The following BTBD8 variants were observed in gnomAD, a reference collection of about 807,000 sequenced individuals.
The protein encoded by BTBD8 is BTB/POZ domain-containing protein 8.
A neutral mutation model predicts 162.9 loss-of-function variants in BTBD8; 110 were observed. The ratio of observed to expected loss-of-function variants is 0.68; its 90% CI spans 0.58 to 0.79. BTBD8 has a LOEUF of 0.79. Among genes scored for constraint, BTBD8 ranks in the 30% least tolerant of loss-of-function variants. The pLI, the probability that BTBD8 is intolerant of heterozygous loss-of-function variation, is 0.00. For missense variants in BTBD8, 1,905 were observed against 2,085.4 expected, an observed-to-expected ratio of 0.91 and a Z score of 1.68; for synonymous variants, 667 against 716.1, an observed-to-expected ratio of 0.93 and a Z score of 1.10.
intron 7 of BTBD8, among the ~76,000 whole-genome samples, chr1:92,143,174 C>T (rs1188699730): frequency 2.6e-5 from 4 of 152,120 alleles, no homozygotes; most frequent in African/African-American, 7.2e-5. Flanking sequence ...TGAAAGCATT[C>T]GTTGGGAAAA....
At chr1:92,115,254 C>A in intron 4 of BTBD8, 1 of 482,574 alleles carries the variant, frequency 2.1e-6, no homozygotes, top group South Asian at 1.9e-5. Context: ...CCACAGTCTT[C>A]TAGATGGCAG....
intron 2 of BTBD8, among the ~76,000 whole-genome samples, chr1:92,097,830 TA>T (rs1244585117): frequency 6.6e-6 from 1 of 152,210 alleles, no homozygotes; most frequent in Non-Finnish European, 1.5e-5. Context: ...ATAGTCATAC[TA>T]AAGGCTATGA....
At chr1:92,176,555 C>T (rs1650715504) in intron 13 of BTBD8, among the ~76,000 whole-genome samples, 1 of 152,144 alleles carries the variant, frequency 6.6e-6, no homozygotes, top group African/African-American at 2.4e-5. Context: ...AAACTTCATA[C>T]ATTAAAAAAG....
intron 2 of BTBD8, among the ~76,000 whole-genome samples, chr1:92,101,521 C>T (rs1320867076): frequency 6.6e-6 from 1 of 152,250 alleles, no homozygotes; most frequent in Non-Finnish European, 1.5e-5. Flanking sequence ...GAACCTCCAC[C>T]TGCCACACAG....
At chr1:92,113,536 A>T (rs904023265) in intron 4 of BTBD8, among the ~76,000 whole-genome samples, 2 of 152,228 alleles carry the variant, frequency 1.3e-5, no homozygotes, top group East Asian at 3.8e-4. Context: ...CATTATTGGA[A>T]AGTTCCCATG....
At chr1:92,120,951 C>A (rs142830079) in intron 4 of BTBD8, among the ~76,000 whole-genome samples, 2,433 of 152,178 alleles carry the variant, frequency 0.016, 84 homozygotes, top group African/African-American at 0.055. Flanking sequence ...TTAGTAGAGA[C>A]AGGGTTTTGC....
chr1:92,125,839 A>T (rs1350322467), intron 4 of BTBD8: 2 of 407,716 alleles, frequency 4.9e-6, no homozygotes, highest in Non-Finnish European at 9.8e-6. Context: ...GATGAAGGGG[A>T]TAACTTCTAG....
chr1:92,093,491 C>T (rs1648370702), intron 2 of BTBD8, among the ~76,000 whole-genome samples: 1 of 152,022 alleles, frequency 6.6e-6, no homozygotes, highest in African/African-American at 2.4e-5. Context: ...CGCACCCAGC[C>T]GAAATACCAA....
At chr1:92,123,071 C>A (rs1649258268) in intron 4 of BTBD8, among the ~76,000 whole-genome samples, 1 of 152,132 alleles carries the variant, frequency 6.6e-6, no homozygotes, top group African/African-American at 2.4e-5. Flanking sequence ...TACAAACATC[C>A]TGTTGTTCCA....
At chr1:92,178,519 G>T in intron 16 of BTBD8, 68 bp downstream of exon 16, 1 of 1,296,222 alleles carries the variant, frequency 7.7e-7, no homozygotes, top group Non-Finnish European at 1.0e-6. Flanking sequence ...GCCAAACTCT[G>T]ATTTGCAACT....
chr1:92,177,755 G>GT (rs1322399212), intron 14 of BTBD8, 56 bp from the exon 15 acceptor site: 2 of 1,055,470 alleles, frequency 1.9e-6, no homozygotes, highest in Non-Finnish European at 2.8e-6. Flanking sequence ...AAACTTACAC[G>GT]TTTGTTACAT....
intron 13 of BTBD8, among the ~76,000 whole-genome samples, chr1:92,172,221 A>G (rs1162794420): frequency 2.0e-5 from 3 of 152,226 alleles, no homozygotes; most frequent in South Asian, 2.1e-4. Context: ...TATCTAAAGT[A>G]GTTGAATTCT....
chr1:92,120,838 C>T (rs1422934354), intron 4 of BTBD8, among the ~76,000 whole-genome samples: 2 of 152,208 alleles, frequency 1.3e-5, no homozygotes, highest in Non-Finnish European at 1.5e-5. Context: ...TCTCAGCTCA[C>T]TCCTACCTGC....
intron 2 of BTBD8, among the ~76,000 whole-genome samples, chr1:92,093,187 A>ATTTTTTT (rs5776134): frequency 1.7e-5 from 2 of 119,846 alleles, no homozygotes; most frequent in Non-Finnish European, 3.3e-5. Context: ...TGAAATACCA[A>ATTTTTTT]TTTTTTTTTT....
intron 9 of BTBD8, among the ~76,000 whole-genome samples, chr1:92,151,352 CAAAA>C (rs11406119): frequency 1.6e-5 from 2 of 127,964 alleles, no homozygotes; most frequent in Admixed American, 7.9e-5. Flanking sequence ...GAAACTGTCT[CAAAA>C]AAAAAAAAAA....
chr1:92,177,664 T>TA, intron 14 of BTBD8, 118 bp downstream of exon 14: 1 of 822,382 alleles, frequency 1.2e-6, no homozygotes. Flanking sequence ...AGAATACTTA[T>TA]GTATATGTAC....
intron 10 of BTBD8, 85 bp from the exon 11 acceptor site, chr1:92,167,763 T>G: frequency 9.0e-7 from 1 of 1,116,208 alleles, no homozygotes; most frequent in Non-Finnish European, 1.2e-6. Flanking sequence ...TACAGCTAGT[T>G]ATAATGATCT....
At chr1:92,168,829 G>T in intron 11 of BTBD8, 37 bp from the exon 12 acceptor site, 1 of 1,479,980 alleles carries the variant, frequency 6.8e-7, no homozygotes, top group Non-Finnish European at 9.1e-7. Flanking sequence ...ATGACAATGT[G>T]GCTCTCACCA....
Position 92,102,473 on chromosome 1 carries a change from G to C in BTBD8, c.348G>C (p.Gln116His). The change falls in exon 3 of 18, where the codon CAG becomes CAC. Residue 116 changes from glutamine to histidine, a missense_variant and splice_region_variant. By Grantham distance (24) the Gln-to-His change is conservative. Transcript: ENST00000636805. ...VEALEFRTFL[Q>H]IIYSSNRNIK... ...TAATATTTTATATTTTGTCTTTTAG[G>C]ATTATATATTCATCAAACAGAAACA... 2 of 1,458,794 alleles carry C rather than the reference G, an allele frequency of 1.4e-6. No homozygotes were observed. The highest frequency in any genetic ancestry group is 1.8e-6 in the Non-Finnish European group (2 of 1,091,124). 90.4% of individuals were successfully genotyped at this position (1,458,794 alleles called of 1,614,324 possible).
Sources: allele counts gnomAD v4.1 joint callset (sites outside exome capture counted in the v4.1 genomes callset), GRCh38; gene constraint gnomAD v4.1.1; transcripts MANE v1.5; gene names NCBI Gene and HGNC (gene_info 2026-07-23, HGNC 2026-07-21).